The following CNTN4 variants were observed in gnomAD, a reference collection of about 807,000 sequenced individuals.
The protein encoded by CNTN4 is contactin-4.
A neutral mutation model predicts 122.5 loss-of-function variants in CNTN4; 77 were observed. The ratio of observed to expected loss-of-function variants is 0.63; its 90% CI spans 0.52 to 0.76. The LOEUF (loss-of-function observed/expected upper bound fraction) is 0.76, where lower values mean the gene tolerates loss of function less well. CNTN4 is among the 30% of genes least tolerant of loss of function. The pLI, the probability that CNTN4 is intolerant of heterozygous loss-of-function variation, is 0.00. For missense variants in CNTN4, 1,256 were observed against 1,259.1 expected, an observed-to-expected ratio of 1.00 and a Z score of 0.04; for synonymous variants, 512 against 447.0, an observed-to-expected ratio of 1.15 and a Z score of -1.83.
intron 2 of CNTN4, chr3:2,239,212 A>C (rs899964180): frequency 1.3e-5 from 2 of 152,128 alleles, no homozygotes; most frequent in Non-Finnish European, 2.9e-5. Context: ...TGTGTTAATA[A>C]TGTGATTTGT....
intron 4 of CNTN4, among the ~76,000 whole-genome samples, chr3:2,671,862 A>G (rs1321066282): frequency 1.3e-5 from 2 of 152,116 alleles, no homozygotes; most frequent in Admixed American, 1.3e-4. Flanking sequence ...CCGGAGGTCC[A>G]CTCCAGACCC....
chr3:2,739,266 C>G (rs750436707), intron 5 of CNTN4, among the ~76,000 whole-genome samples: 1 of 151,454 alleles, frequency 6.6e-6, no homozygotes, highest in African/African-American at 2.4e-5. Context: ...CAAACAGAAC[C>G]CTTGATTGAA....
intron 14 of CNTN4, among the ~76,000 whole-genome samples, chr3:3,020,353 G>T (rs1008111964): frequency 1.3e-5 from 2 of 152,138 alleles, no homozygotes; most frequent in Non-Finnish European, 2.9e-5. Flanking sequence ...AGCAGGGCAC[G>T]TGTAAAAAAG....
At chr3:2,283,891 A>G (rs916978752) in intron 2 of CNTN4, among the ~76,000 whole-genome samples, 2 of 152,140 alleles carry the variant, frequency 1.3e-5, no homozygotes, top group African/African-American at 4.8e-5. Context: ...CAAAAGCTAA[A>G]AAAGCATATT....
intron 2 of CNTN4, among the ~76,000 whole-genome samples, chr3:2,232,422 C>G (rs1340682457): frequency 6.6e-6 from 1 of 152,074 alleles, no homozygotes; most frequent in Non-Finnish European, 1.5e-5. Context: ...ATGAGAACAA[C>G]TGTTAAGATT....
chr3:2,604,800 C>T (rs894408965), intron 4 of CNTN4, among the ~76,000 whole-genome samples: 1 of 152,156 alleles, frequency 6.6e-6, no homozygotes, highest in African/African-American at 2.4e-5. Context: ...ACTTATTCAT[C>T]ACCTCCATAA....
At chr3:2,522,065 T>G (rs7624709) in intron 3 of CNTN4, among the ~76,000 whole-genome samples, 89 of 151,726 alleles carry the variant, frequency 5.9e-4, no homozygotes, top group Non-Finnish European at 1.1e-3. Flanking sequence ...ACAGAGCACT[T>G]AGGGGTTTAT....
intron 13 of CNTN4, among the ~76,000 whole-genome samples, chr3:2,934,633 C>A (rs2094552558): frequency 6.6e-6 from 1 of 152,216 alleles, no homozygotes; most frequent in African/African-American, 2.4e-5. Flanking sequence ...GGCAGAGTGT[C>A]TATATATGTG....
intron 14 of CNTN4, among the ~76,000 whole-genome samples, chr3:3,010,568 G>A (rs1697130259): frequency 6.6e-6 from 1 of 151,872 alleles, no homozygotes; most frequent in South Asian, 2.1e-4. Flanking sequence ...ATAATTTAAG[G>A]AAGCCAGCAC....
intron 18 of CNTN4, 37 bp downstream of exon 18, chr3:3,037,365 C>A (rs767987297): frequency 6.2e-7 from 1 of 1,613,832 alleles, no homozygotes; most frequent in Non-Finnish European, 8.5e-7. Flanking sequence ...TCTGTTCTGC[C>A]AGCTGCTGTT....
In CNTN4 at chr3:3,054,018, T is replaced by C. The variant is rs374576341; in HGVS notation, c.2980+43T>C. ...TCTCCCTTTTCTCCTGCCTGTCTTA[T>C]CTTATCAGCCTTCCAGATGAGTCAG... On this transcript the variant is annotated intron_variant, in intron 24 of 24. Coordinates refer to ENST00000418658, the MANE Select transcript of CNTN4 (RefSeq NM_175607.3). 1.1e-4 allele frequency: 173 copies of C among 1,600,172 alleles called. 2 individuals carry two copies. The African/African-American group carries it at 1.7e-3, about 16-fold the overall frequency.
chr3:2,747,468 C>G (rs190603078), intron 6 of CNTN4, among the ~76,000 whole-genome samples: 129 of 68,206 alleles, frequency 1.9e-3, no homozygotes, highest in African/African-American at 4.7e-3. Flanking sequence ...TCTTTATTGA[C>G]AGCTTACATT....
intron 2 of CNTN4, among the ~76,000 whole-genome samples, chr3:2,254,925 G>C (rs117546431): frequency 1.3e-5 from 2 of 151,938 alleles, no homozygotes; most frequent in African/African-American, 4.8e-5. Context: ...TTTTGTTGCC[G>C]TTGGTTTTGG....
chr3:2,393,547 G>A (rs1272875134), intron 3 of CNTN4, among the ~76,000 whole-genome samples: 1 of 151,994 alleles, frequency 6.6e-6, no homozygotes, highest in Non-Finnish European at 1.5e-5. Context: ...TTATTCTAGG[G>A]AGATATGCAC....
intron 13 of CNTN4, among the ~76,000 whole-genome samples, chr3:2,971,902 G>C (rs946678263): frequency 6.6e-6 from 1 of 152,284 alleles, no homozygotes; most frequent in Middle Eastern, 3.4e-3. Flanking sequence ...CACATTTTCG[G>C]AAGTGCACTT....
chr3:2,110,853 T>A (rs966275312), intron 2 of CNTN4, among the ~76,000 whole-genome samples: 1 of 152,128 alleles, frequency 6.6e-6, no homozygotes, highest in Non-Finnish European at 1.5e-5. Context: ...CACTATACCA[T>A]AGTGGAAATA....
intron 3 of CNTN4, among the ~76,000 whole-genome samples, chr3:2,570,629 C>T (rs1044468999): frequency 6.6e-6 from 1 of 152,162 alleles, no homozygotes; most frequent in Non-Finnish European, 1.5e-5. Context: ...CTGAGGGGCA[C>T]CTGTTCCCTT....
In CNTN4 at chr3:2,511,843, C is replaced by G. The variant is rs532146598; in HGVS notation, c.-88-59573C>G. 3.3e-5 allele frequency: 5 copies of G among 152,230 alleles called. No individual in the cohort carries two copies. The East Asian group carries it at 9.7e-4, about 29-fold the overall frequency. 9.4% of individuals were successfully genotyped at this position (152,230 alleles called of 1,614,324 possible). ...GTGATCTGTTTAGAGCTTGCTGTTT[C>G]TGTTAAATCTCTTATATAATTGATT... On this transcript the variant is annotated intron_variant, in intron 3 of 24. Transcript: ENST00000418658.
chr3:2,386,774 G>C (rs1419258121), intron 3 of CNTN4, among the ~76,000 whole-genome samples: 1 of 152,146 alleles, frequency 6.6e-6, no homozygotes, highest in Non-Finnish European at 1.5e-5. Context: ...AATTATTTGA[G>C]ATGAGTTATA....
Sources: gnomAD v4.1 joint callset for allele counts (sites outside exome capture counted in the v4.1 genomes callset) on GRCh38, gnomAD v4.1.1 for gene constraint, MANE v1.5 for transcripts, NCBI Gene and HGNC (gene_info 2026-07-23, HGNC 2026-07-21) for gene names.